MDN1: variants seen among roughly 807,000 people sequenced by gnomAD.
MDN1 encodes the protein midasin.
In MDN1, 266 loss-of-function variants were observed where a neutral mutation model predicts 669.2. That is an observed-to-expected ratio of 0.40 (90% confidence interval 0.36 to 0.44). MDN1 has a LOEUF of 0.44. MDN1 is among the 20% of genes least tolerant of loss of function. The pLI is 1.00. For synonymous variants in MDN1, 2,385 were observed against 2,457.1 expected (o/e 0.97, Z 0.87); for missense variants, 5,940 against 6,754.0 (o/e 0.88, Z 4.22).
chr6:89,803,913 TTTTTTG>T (rs767165752), intron 1 of MDN1, among the ~76,000 whole-genome samples: 17,695 of 120,298 alleles, frequency 0.15, 1,122 homozygotes, highest in African/African-American at 0.21. Flanking sequence ...TTTTTTTTTT[TTTTTTG>T]GAGACAGAGT....
chr6:89,774,911 G>A (rs985220187), intron 12 of MDN1, among the ~76,000 whole-genome samples, 178 bp from the exon 13 acceptor site: 1 of 151,938 alleles, frequency 6.6e-6, no homozygotes, highest in Admixed American at 6.6e-5. Flanking sequence ...AAACTTCTAT[G>A]TTTTTCACAA....
intron 1 of MDN1, 97 bp from the exon 2 acceptor site, chr6:89,803,651 A>C: frequency 8.2e-5 from 70 of 856,572 alleles, no homozygotes; most frequent in Middle Eastern, 3.5e-4. Flanking sequence ...GTGCAATCTC[A>C]GCTCACTGCA....
At chr6:89,732,459 G>T in intron 34 of MDN1, 98 bp downstream of exon 34, 3 of 984,844 alleles carry the variant, frequency 3.0e-6, no homozygotes, top group South Asian at 1.6e-5. Context: ...TCTGAGAAGT[G>T]ATTCAGTAAA....
intron 53 of MDN1, among the ~76,000 whole-genome samples, chr6:89,702,449 C>G (rs533586253): frequency 6.6e-6 from 1 of 152,322 alleles, no homozygotes; most frequent in African/African-American, 2.4e-5. Context: ...TTTGCCAATA[C>G]TTGCTGTTAA....
intron 75 of MDN1, 26 bp from the exon 76 acceptor site, chr6:89,677,722 A>T: frequency 6.2e-7 from 1 of 1,613,566 alleles, no homozygotes; most frequent in African/African-American, 1.3e-5. Flanking sequence ...CATTTCTTTA[A>T]GCAAAGATGC....
intron 93 of MDN1, among the ~76,000 whole-genome samples, chr6:89,653,385 A>G (rs573062578): frequency 5.3e-5 from 8 of 152,334 alleles, no homozygotes; most frequent in African/African-American, 1.2e-4. Context: ...ATGTTCTTGG[A>G]AAGGGAAATA....
intron 1 of MDN1, among the ~76,000 whole-genome samples, chr6:89,808,710 G>C (rs1244139946): frequency 6.6e-6 from 1 of 151,918 alleles, no homozygotes; most frequent in Non-Finnish European, 1.5e-5. Flanking sequence ...GCTGAACTTC[G>C]TTCTTCCTCT....
At chr6:89,701,533 A>G in intron 55 of MDN1, 25 bp downstream of exon 55, 1 of 1,610,456 alleles carries the variant, frequency 6.2e-7, no homozygotes, top group Non-Finnish European at 8.5e-7. Context: ...CATTTCTTTT[A>G]TTTACTAAAT....
At chr6:89,649,185 A>G (rs1015009696) in intron 97 of MDN1, among the ~76,000 whole-genome samples, 9 of 152,202 alleles carry the variant, frequency 5.9e-5, no homozygotes, top group African/African-American at 2.2e-4. Context: ...ACCATTTGCA[A>G]TATGACAAAA....
chr6:89,677,436 C>T (rs1452092801), intron 76 of MDN1, 134 bp downstream of exon 76: 3 of 1,125,254 alleles, frequency 2.7e-6, no homozygotes, highest in African/African-American at 3.2e-5. Flanking sequence ...AGATCCTGAG[C>T]CAGGCACTTT....
Position 89,718,422 on chromosome 6 carries a change from G to A in MDN1, c.6527C>T (p.Ala2176Val). Residue 2176 changes from alanine (A) to valine (V), a missense_variant, in exon 43 of 102, where the codon GCA becomes GTA. This residue lies in a region of MDN1 where 2,292 missense variants were observed against 2,638.3 expected (regional missense o/e 0.87). Transcript: ENST00000369393. ...GAGTCGCTGCATAAGCAATAACACT[G>A]CTTCTAGTTTGTTGACAATCTCCAT... ...ITMEIVNKLE[A>V]VLLLMQRLNN... 1 of 1,614,028 alleles carries A rather than the reference G, an allele frequency of 6.2e-7. No homozygotes were observed. The highest frequency in any genetic ancestry group is 1.3e-5 in the African/African-American group (1 of 75,042).
intron 29 of MDN1, among the ~76,000 whole-genome samples, chr6:89,744,604 T>C (rs529091059): frequency 3.7e-4 from 57 of 152,208 alleles, no homozygotes; most frequent in Middle Eastern, 6.8e-3. Flanking sequence ...GGTTTTGCCA[T>C]GTTGCCCAGG....
Position 89,789,879 on chromosome 6 carries a change from A to G in MDN1, c.1131T>C (p.Val377=). 6.2e-7 allele frequency: 1 copy of G among 1,614,016 alleles called. No individual in the cohort carries two copies. The highest frequency in any genetic ancestry group is 8.5e-7 in the Non-Finnish European group (1 of 1,179,996). Residue 377 remains valine (V), a synonymous_variant, in exon 7 of 102, where the codon GTT becomes GTC. Transcript: ENST00000369393. The stretch of plus-strand genomic sequence containing the variant: ...CAGGCTGCCACACAAACTCTCCAGG[A>G]ACATCTGTGCAGCGATACATCCCCA... ...MLLGMYRCTD[V]PGEFVWQPGT... is the part of the protein sequence containing the mutation.
intron 53 of MDN1, among the ~76,000 whole-genome samples, chr6:89,702,610 A>G (rs2128310179): frequency 6.6e-6 from 1 of 152,352 alleles, no homozygotes; most frequent in Non-Finnish European, 1.5e-5. Context: ...TATTCTATTC[A>G]GATGTCTTGC....
intron 79 of MDN1, 111 bp downstream of exon 79, chr6:89,673,993 G>A: frequency 2.2e-6 from 3 of 1,334,680 alleles, no homozygotes; most frequent in Non-Finnish European, 3.0e-6. Flanking sequence ...TTCCAGGGCT[G>A]TCTAAAAGCT....
At position 89,658,296 on chromosome 6, in the gene MDN1, G is replaced by A; in HGVS notation, c.15096C>T (p.Ser5032=). The A allele has an allele frequency of 1.2e-6, 2 of 1,614,186 alleles. No homozygotes were observed. The highest frequency in any genetic ancestry group is 2.2e-5 in the East Asian group (1 of 44,872). The change falls in exon 90 of 102, where the codon TCC becomes TCT. Residue 5032 remains serine (S), a synonymous_variant. Coordinates refer to ENST00000369393, the MANE Select transcript of MDN1 (RefSeq NM_014611.3). ...PEALERKEHA[S]CGQTGVENMQ... is the part of the protein sequence containing the mutation. ...TGTTCTCCACACCAGTCTGCCCACA[G>A]GAGGCATGCTCCTTCCTCTCCAAAG...
At chr6:89,752,008 C>A (rs1043625458) in intron 22 of MDN1, among the ~76,000 whole-genome samples, 2 of 152,176 alleles carry the variant, frequency 1.3e-5, no homozygotes, top group Non-Finnish European at 2.9e-5. Context: ...GTAAACCTGA[C>A]TTTTCAGAGC....
At chr6:89,644,465 C>T (rs1199596145) in intron 101 of MDN1, among the ~76,000 whole-genome samples, 1 of 152,108 alleles carries the variant, frequency 6.6e-6, no homozygotes, top group African/African-American at 2.4e-5. Context: ...GTGGTGTCTC[C>T]CCATCATCCA....
chr6:89,817,310 C>G (rs1768906688), intron 1 of MDN1, among the ~76,000 whole-genome samples: 1 of 152,186 alleles, frequency 6.6e-6, no homozygotes, highest in South Asian at 2.1e-4. Flanking sequence ...GAGTTTGACA[C>G]TTTTCATTGA....
Sources: allele counts gnomAD v4.1 joint callset (sites outside exome capture counted in the v4.1 genomes callset), GRCh38; gene constraint gnomAD v4.1.1; regional missense constraint gnomAD v4.1.1; transcripts MANE v1.5; gene names NCBI Gene and HGNC (gene_info 2026-07-23, HGNC 2026-07-21).